ABTB3: variants seen among roughly 807,000 people sequenced by gnomAD.
The protein encoded by ABTB3 is ankyrin repeat- and BTB/POZ domain-containing protein 3.
the ABTB3 span, among the ~76,000 whole-genome samples, chr12:107,587,738 G>A: frequency 6.6e-6 from 1 of 152,150 alleles, no homozygotes; most frequent in Admixed American, 6.5e-5. Flanking sequence ...TGTCAGCACT[G>A]CCCTTGTGTG....
the ABTB3 span, among the ~76,000 whole-genome samples, chr12:107,594,729 C>T: frequency 3.3e-5 from 5 of 152,054 alleles, no homozygotes; most frequent in South Asian, 4.2e-4. Flanking sequence ...GGCCAGTATC[C>T]GAGTCAGACA....
At chr12:107,610,366 C>A in the ABTB3 span, 241 of 1,613,366 alleles carry the variant, frequency 1.5e-4, no homozygotes, top group Non-Finnish European at 1.9e-4. Context: ...GTACAGGGTC[C>A]GAGGGTCTGA....
the ABTB3 span, chr12:107,618,486 A>ATGTGCGTGTTT: frequency 1.1e-6 from 1 of 920,418 alleles, no homozygotes. Flanking sequence ...AAACACGCAC[A>ATGTGCGTGTTT]TGCACACACA....
chr12:107,596,123 G>A, the ABTB3 span, among the ~76,000 whole-genome samples: 1 of 152,186 alleles, frequency 6.6e-6, no homozygotes, highest in Admixed American at 6.5e-5. Context: ...CAGGTGACAA[G>A]AATGAATTAA....
chr12:107,574,458 C>T, the ABTB3 span, among the ~76,000 whole-genome samples: 1 of 152,232 alleles, frequency 6.6e-6, no homozygotes, highest in Admixed American at 6.5e-5. Flanking sequence ...TGCGGTGGCT[C>T]ATTCCTCTAA....
At chr12:107,535,844 G>C in the ABTB3 span, among the ~76,000 whole-genome samples, 1 of 152,032 alleles carries the variant, frequency 6.6e-6, no homozygotes, top group Non-Finnish European at 1.5e-5. Context: ...GAAATCTACA[G>C]TCAGTGCAAT....
the ABTB3 span, among the ~76,000 whole-genome samples, chr12:107,390,161 C>T: frequency 4.6e-5 from 7 of 152,104 alleles, no homozygotes; most frequent in Admixed American, 4.6e-4. Flanking sequence ...GATCAGCTAC[C>T]ACAGTGAGAC....
At chr12:107,404,178 A>AAAAG in the ABTB3 span, among the ~76,000 whole-genome samples, 20 of 149,766 alleles carry the variant, frequency 1.3e-4, no homozygotes, top group African/African-American at 4.2e-4. Context: ...AAAAAAAAAA[A>AAAAG]AAAAAAAAAG....
At chr12:107,415,643 G>A in the ABTB3 span, among the ~76,000 whole-genome samples, 3 of 151,798 alleles carry the variant, frequency 2.0e-5, no homozygotes, top group Admixed American at 2.0e-4. Flanking sequence ...AGGAGGCAGA[G>A]TTTGCAGTCA....
chr12:107,599,948 T>C, the ABTB3 span, among the ~76,000 whole-genome samples: 1 of 152,324 alleles, frequency 6.6e-6, no homozygotes, highest in East Asian at 1.9e-4. Context: ...TTCAGTAATG[T>C]TGAATTCTGC....
chr12:107,470,439 C>G, the ABTB3 span, among the ~76,000 whole-genome samples: 1 of 152,052 alleles, frequency 6.6e-6, no homozygotes, highest in Non-Finnish European at 1.5e-5. Flanking sequence ...TCTGGGGTCC[C>G]AGGGAACATT....
the ABTB3 span, among the ~76,000 whole-genome samples, chr12:107,635,870 C>CCA: frequency 0.096 from 11,036 of 114,802 alleles, 637 homozygotes; most frequent in Non-Finnish European, 0.14. Context: ...CCCCACCCAC[C>CCA]CACACACACA....
At chr12:107,330,317 G>T in the ABTB3 span, among the ~76,000 whole-genome samples, 1 of 152,166 alleles carries the variant, frequency 6.6e-6, no homozygotes, top group Non-Finnish European at 1.5e-5. Flanking sequence ...GATCATGTTG[G>T]CATTAGTTCA....
At chr12:107,430,660 AT>A in the ABTB3 span, among the ~76,000 whole-genome samples, 1 of 152,168 alleles carries the variant, frequency 6.6e-6, no homozygotes, top group African/African-American at 2.4e-5. Context: ...AATAATGGCG[AT>A]ACGTCCCTAT....
chr12:107,588,360 G>T, the ABTB3 span, among the ~76,000 whole-genome samples: 1 of 152,192 alleles, frequency 6.6e-6, no homozygotes, highest in African/African-American at 2.4e-5. Flanking sequence ...TGTGGCTTGT[G>T]CCTGTCTTGC....
At chr12:107,580,267 C>T in the ABTB3 span, among the ~76,000 whole-genome samples, 1 of 152,226 alleles carries the variant, frequency 6.6e-6, no homozygotes, top group African/African-American at 2.4e-5. Context: ...GGACAGGACT[C>T]AAGTGTCATT....
the ABTB3 span, among the ~76,000 whole-genome samples, chr12:107,394,608 T>A: frequency 6.6e-5 from 10 of 152,326 alleles, no homozygotes; most frequent in East Asian, 1.7e-3. Flanking sequence ...AGAGTTCATA[T>A]CCCAGCTCTA....
chr12:107,610,101 G>A, the ABTB3 span: 1 of 1,481,620 alleles, frequency 6.7e-7, no homozygotes. Flanking sequence ...AAAAGCAAAT[G>A]CAATGTCCCA....
chr12:107,659,060 C>G, the ABTB3 span: 1 of 152,300 alleles, frequency 6.6e-6, no homozygotes, highest in Non-Finnish European at 1.5e-5. Flanking sequence ...AATTTGAAAC[C>G]TAGATACATG....
Sources: gnomAD v4.1 joint callset for allele counts (sites outside exome capture counted in the v4.1 genomes callset) on GRCh38, gnomAD v4.1.1 for gene constraint, MANE v1.5 for transcripts, NCBI Gene and HGNC (gene_info 2026-07-23, HGNC 2026-07-21) for gene names.